Variants in ATF7 observed in about 807,000 individuals in gnomAD.
ATF7 encodes activating transcription factor 7, also known as cyclic AMP-dependent transcription factor ATF-7.
Under a neutral mutation model 50.4 loss-of-function variants are expected in ATF7, and 10 were observed. That is an observed-to-expected ratio of 0.20 (90% CI 0.12 to 0.34). ATF7 has a LOEUF of 0.34. ATF7 is among the 10% of genes least tolerant of loss of function. The pLI is 1.00. For synonymous variants in ATF7, 201 were observed against 226.4 expected, an observed-to-expected ratio of 0.89 and a Z score of 1.01; for missense variants, 465 against 613.9, an observed-to-expected ratio of 0.76 and a Z score of 2.56.
chr12:53,545,193 AC>A (rs1939823865), intron 3 of ATF7, among the ~76,000 whole-genome samples: 1 of 152,088 alleles, frequency 6.6e-6, no homozygotes, highest in African/African-American at 2.4e-5. Flanking sequence ...CCTGTGTTAA[AC>A]CTAATTCCTC....
intron 2 of ATF7, among the ~76,000 whole-genome samples, chr12:53,567,568 T>G (rs987072279): frequency 2.0e-4 from 31 of 152,232 alleles, no homozygotes; most frequent in African/African-American, 7.5e-4. Flanking sequence ...TTATCTTTCC[T>G]TAGATGGCAG....
intron 2 of ATF7, among the ~76,000 whole-genome samples, chr12:53,569,642 T>C (rs1941638082): frequency 6.6e-6 from 1 of 152,166 alleles, no homozygotes; most frequent in South Asian, 2.1e-4. Flanking sequence ...GTACCTAGCA[T>C]GGTGTTTGGC....
chr12:53,543,419 T>C lies in ATF7; in HGVS notation c.175A>G (p.Lys59Glu). 1 of 1,600,784 alleles carries C rather than the reference T, an allele frequency of 6.2e-7. No homozygotes were observed. Among genetic ancestry groups the C allele is most frequent in the Non-Finnish European group, 8.5e-7 (1 of 1,172,826 alleles). The change falls in exon 4 of 12, where the codon AAG (lysine) becomes GAG (glutamate). Residue 59 changes from lysine (K) to glutamate (E), a missense_variant. By Grantham distance (56) the Lys-to-Glu change is moderately conservative. Coordinates refer to ENST00000420353, the MANE Select transcript of ATF7 (RefSeq NM_006856.3). ...AAGAGTCCCACCTCCTCACAGTTCT[T>C]CAGGAATCTAGTTGGAGTAGGCGTT... ...DQTPTPTRFLKNCEEVGLFNE... is the reference protein window; with the variant it reads ...DQTPTPTRFLENCEEVGLFNE...
intron 2 of ATF7, among the ~76,000 whole-genome samples, chr12:53,557,092 C>T (rs1031153713): frequency 3.3e-5 from 5 of 152,146 alleles, no homozygotes; most frequent in East Asian, 3.9e-4. Context: ...TGATAAAAAT[C>T]GTGACCTAAG....
intron 2 of ATF7, among the ~76,000 whole-genome samples, chr12:53,593,864 A>T (rs1943045961): frequency 6.6e-6 from 1 of 152,220 alleles, no homozygotes; most frequent in Admixed American, 6.5e-5. Flanking sequence ...AGCACTGTAG[A>T]TGTACACACA....
chr12:53,577,893 C>A (rs1942188212), intron 2 of ATF7, among the ~76,000 whole-genome samples: 1 of 151,890 alleles, frequency 6.6e-6, no homozygotes. Context: ...AAAAACTACA[C>A]CTAGATATAT....
chr12:53,602,205 C>T (rs763192104), intron 1 of ATF7, among the ~76,000 whole-genome samples: 3 of 152,076 alleles, frequency 2.0e-5, no homozygotes, highest in Non-Finnish European at 4.4e-5. Context: ...CAAAAGAATA[C>T]GAACGAGGGA....
intron 1 of ATF7, among the ~76,000 whole-genome samples, chr12:53,603,873 T>C (rs1220390737): frequency 6.6e-6 from 1 of 152,204 alleles, no homozygotes; most frequent in Non-Finnish European, 1.5e-5. Context: ...GAGGTCTCAC[T>C]GATGCCATCT....
intron 5 of ATF7, 41 bp downstream of exon 5, chr12:53,537,374 T>C (rs769879133): frequency 2.4e-5 from 38 of 1,607,586 alleles, no homozygotes; most frequent in African/African-American, 1.1e-4. Flanking sequence ...ATCAAAACTT[T>C]ATCAATTAAC....
rs1236651885 is a variant in ATF7 at position 53,531,735 on chromosome 12, G to A, written c.927+9C>T. 6.2e-7 allele frequency: 1 copy of A among 1,607,926 alleles called. No homozygotes were observed. The highest frequency in any genetic ancestry group is 2.2e-5 in the East Asian group (1 of 44,810). On this transcript the variant is annotated intron_variant, in intron 9 of 11. Transcript: ENST00000420353. ...TAAAGATATGACATAAAGAGTAAGA[G>A]CCACTGACCTGTGGCTGGGCAGGGG... is the stretch of plus-strand genomic sequence containing the variant.
intron 3 of ATF7, among the ~76,000 whole-genome samples, chr12:53,544,748 C>CA (rs913863227): frequency 2.6e-5 from 4 of 151,508 alleles, no homozygotes; most frequent in African/African-American, 7.3e-5. Context: ...GACTCTGTCT[C>CA]AAAAAAACAA....
intron 3 of ATF7, among the ~76,000 whole-genome samples, chr12:53,544,250 A>C (rs1939744547): frequency 6.6e-6 from 1 of 152,180 alleles, no homozygotes; most frequent in African/African-American, 2.4e-5. Flanking sequence ...GGAACTTTTT[A>C]AGCAACTTGA....
intron 2 of ATF7, among the ~76,000 whole-genome samples, chr12:53,589,356 C>G (rs773555294): frequency 2.6e-5 from 4 of 152,188 alleles, no homozygotes; most frequent in Non-Finnish European, 4.4e-5. Context: ...GCTCAGTGAG[C>G]TATAATTATT....
downstream of ATF7, among the ~76,000 whole-genome samples, chr12:53,510,149 C>T (rs1427217202): frequency 2.6e-5 from 4 of 152,006 alleles, 1 homozygote; most frequent in Admixed American, 2.6e-4. Context: ...AAGTGATTCT[C>T]CTGCCTCAAC....
At chr12:53,620,816 T>C (rs1242243534) in intron 1 of ATF7, among the ~76,000 whole-genome samples, 2 of 151,450 alleles carry the variant, frequency 1.3e-5, no homozygotes, top group African/African-American at 2.4e-5. Flanking sequence ...AAAAAATCCC[T>C]GCAACTATGA....
chr12:53,605,051 C>A (rs780990942), intron 1 of ATF7, among the ~76,000 whole-genome samples: 58 of 152,178 alleles, frequency 3.8e-4, no homozygotes, highest in Non-Finnish European at 5.7e-4. Flanking sequence ...ATTTTGCTAG[C>A]AACTCCAGAT....
chr12:53,564,369 C>CT (rs1335452110), intron 2 of ATF7, among the ~76,000 whole-genome samples: 2 of 152,194 alleles, frequency 1.3e-5, no homozygotes, highest in African/African-American at 4.8e-5. Context: ...GAGCAAGACT[C>CT]TGTTTCAAAA....
intron 4 of ATF7, among the ~76,000 whole-genome samples, chr12:53,539,936 G>A (rs1165956955): frequency 6.6e-6 from 1 of 151,856 alleles, no homozygotes; most frequent in African/African-American, 2.4e-5. Flanking sequence ...TGGGTGTGGT[G>A]GTGAGTGCCT....
intron 1 of ATF7, among the ~76,000 whole-genome samples, chr12:53,619,012 A>G (rs947799370): frequency 1.3e-5 from 2 of 150,902 alleles, no homozygotes; most frequent in Non-Finnish European, 3.0e-5. Context: ...AGACTGCACC[A>G]CTGCACTCCA....
Sources: gnomAD v4.1 joint callset for allele counts (sites outside exome capture counted in the v4.1 genomes callset) on GRCh38, gnomAD v4.1.1 for gene constraint, MANE v1.5 for transcripts, NCBI Gene and HGNC (gene_info 2026-07-23, HGNC 2026-07-21) for gene names.